The following BICD1 variants were observed in gnomAD, a reference collection of about 807,000 sequenced individuals.
BICD1 encodes the protein protein bicaudal D homolog 1.
In BICD1, 35 loss-of-function variants were observed where a neutral mutation model predicts 92.5. That is an observed-to-expected ratio of 0.38 (90% CI 0.29 to 0.50). The LOEUF (loss-of-function observed/expected upper bound fraction) is 0.50. Ranked by LOEUF, BICD1 falls within the 20% of genes least tolerant of loss-of-function variation. The pLI is 0.93. For missense variants in BICD1, 950 were observed against 1,189.8 expected (o/e 0.80, Z 2.97); for synonymous variants, 429 against 465.1 (o/e 0.92, Z 1.00).
At chr12:32,350,649 C>T (rs1205984670) in intron 8 of BICD1, among the ~76,000 whole-genome samples, 1 of 152,192 alleles carries the variant, frequency 6.6e-6, no homozygotes, top group African/African-American at 2.4e-5. Context: ...TCAGGGATTC[C>T]TCTTGCATAT....
At chr12:32,150,666 TG>T (rs889409847) in intron 1 of BICD1, among the ~76,000 whole-genome samples, 1 of 152,138 alleles carries the variant, frequency 6.6e-6, no homozygotes, top group African/African-American at 2.4e-5. Context: ...GGCACAAGTT[TG>T]GGGAGTAGGG....
intron 1 of BICD1, among the ~76,000 whole-genome samples, chr12:32,211,073 T>C (rs1008790919): frequency 1.3e-5 from 2 of 152,180 alleles, no homozygotes; most frequent in African/African-American, 2.4e-5. Flanking sequence ...AATAGGAGTG[T>C]TTTCTCCTTC....
chr12:32,231,913 G>T (rs373423138), intron 2 of BICD1, among the ~76,000 whole-genome samples: 1 of 151,690 alleles, frequency 6.6e-6, no homozygotes, highest in Non-Finnish European at 1.5e-5. Context: ...CAAAGGACAT[G>T]AACTCATCAT....
intron 1 of BICD1, among the ~76,000 whole-genome samples, chr12:32,136,791 A>G (rs1304769922): frequency 6.6e-6 from 1 of 152,174 alleles, no homozygotes; most frequent in African/African-American, 2.4e-5. Flanking sequence ...AGAGAGAATA[A>G]CTGGGCATCC....
Position 32,216,603 on chromosome 12 carries a change from C to A in BICD1, c.426+144C>A, listed in dbSNP as rs1565594017. On this transcript the variant is annotated intron_variant, in intron 2 of 9. Transcript: ENST00000652176. ...TACTAATACTGAGCTAGCAACTTTT[C>A]TTTTTTAGTGAAATGATAGCTAGCT... 17 of 767,264 alleles carry A rather than the reference C, an allele frequency of 2.2e-5. No individual in the cohort carries two copies. In the Admixed American group the frequency reaches 2.4e-4, roughly 11 times the overall value. The allele number at this position is 767,264 out of a possible 1,614,324, so 47.5% of individuals were successfully genotyped here. A position where few individuals can be genotyped will look rare whatever the true frequency, so the allele number is the denominator to read the frequency against.
chr12:32,129,607 C>T (rs12297591), intron 1 of BICD1, among the ~76,000 whole-genome samples: 3,412 of 151,624 alleles, frequency 0.023, 64 homozygotes, highest in African/African-American at 0.048. Flanking sequence ...TGGGCTCAAC[C>T]GATCTTCCCA....
intron 2 of BICD1, among the ~76,000 whole-genome samples, chr12:32,283,711 A>G (rs1314709867): frequency 6.6e-6 from 1 of 152,224 alleles, no homozygotes; most frequent in Non-Finnish European, 1.5e-5. Context: ...TCAGAGGTGC[A>G]GTTATTGGTG....
intron 2 of BICD1, among the ~76,000 whole-genome samples, chr12:32,218,353 A>C (rs1317445918): frequency 6.6e-6 from 1 of 152,246 alleles, no homozygotes; most frequent in Non-Finnish European, 1.5e-5. Context: ...TGGAGAACTC[A>C]TCAGACCATG....
chr12:32,357,389 CTT>C (rs149416521), intron 8 of BICD1, among the ~76,000 whole-genome samples: 343 of 152,162 alleles, frequency 2.3e-3, no homozygotes, highest in African/African-American at 7.9e-3. Context: ...TGAATTAAAA[CTT>C]TTTAATTCAA....
chr12:32,304,727 A>T (rs994538574), intron 3 of BICD1, among the ~76,000 whole-genome samples: 2 of 152,200 alleles, frequency 1.3e-5, no homozygotes, highest in Non-Finnish European at 1.5e-5. Flanking sequence ...TACCTCAATA[A>T]CAACATATGG....
At chr12:32,229,315 G>A (rs1237273279) in intron 2 of BICD1, among the ~76,000 whole-genome samples, 1 of 152,130 alleles carries the variant, frequency 6.6e-6, no homozygotes, top group Non-Finnish European at 1.5e-5. Flanking sequence ...TAAGGCCATG[G>A]CATTGGTGAA....
intron 1 of BICD1, among the ~76,000 whole-genome samples, chr12:32,169,711 C>A (rs940536694): frequency 6.6e-6 from 1 of 152,132 alleles, no homozygotes; most frequent in African/African-American, 2.4e-5. Context: ...GGTCGCTGGA[C>A]AGCTTTTGTT....
At chr12:32,336,969 C>T (rs946356082) in intron 6 of BICD1, among the ~76,000 whole-genome samples, 1 of 152,106 alleles carries the variant, frequency 6.6e-6, no homozygotes, top group Non-Finnish European at 1.5e-5. Flanking sequence ...AATGACTGGG[C>T]GTGGTGGCTC....
At chr12:32,357,012 C>T (rs1458347127) in intron 8 of BICD1, among the ~76,000 whole-genome samples, 4 of 129,576 alleles carry the variant, frequency 3.1e-5, no homozygotes, top group Admixed American at 8.3e-5. Context: ...GATTCTCCTG[C>T]TTTTTTTTTT....
Position 32,254,573 on chromosome 12 carries a change from C to T in BICD1, c.426+38114C>T, listed in dbSNP as rs190291332. 6.2e-4 allele frequency among the ~76,000 whole-genome samples: 94 copies of T among 152,312 alleles called. 3 individuals carry two copies. Among genetic ancestry groups the T allele is most frequent in the Non-Finnish European group, 2.1e-4 (14 of 68,032 alleles). ...ACAAGCACATAAATAAAAACCTGACCTTCCCCAAGATCTTTCCTCCTCTGT... is the reference window on the plus strand; with the variant it reads ...ACAAGCACATAAATAAAAACCTGACTTTCCCCAAGATCTTTCCTCCTCTGT... On this transcript the variant is annotated intron_variant, in intron 2 of 9. Coordinates refer to ENST00000652176, the MANE Select transcript of BICD1 (RefSeq NM_001714.4).
At chr12:32,325,001 A>G (rs1948743534) in intron 4 of BICD1, among the ~76,000 whole-genome samples, 1 of 152,100 alleles carries the variant, frequency 6.6e-6, no homozygotes, top group African/African-American at 2.4e-5. Context: ...TTTCTTCTAT[A>G]ACTCCATTTA....
intron 1 of BICD1, among the ~76,000 whole-genome samples, chr12:32,157,919 C>A (rs1043998627): frequency 2.6e-5 from 4 of 151,954 alleles, no homozygotes; most frequent in African/African-American, 9.7e-5. Flanking sequence ...AGCTGTGAGA[C>A]CCTGGGCAAA....
chr12:32,382,087 C>T lies in BICD1; in HGVS notation c.*4460C>T, dbSNP rs917316581. ...CATTTTCCATTGTCTGTAATAATGC[C>T]CTCGGATGAGTTGTGTCTAAAATTA... On this transcript the variant is annotated 3_prime_UTR_variant, in exon 10 of 10. Coordinates refer to ENST00000652176, the MANE Select transcript of BICD1 (RefSeq NM_001714.4). 2 of 151,956 alleles carry T rather than the reference C, an allele frequency of 1.3e-5. No homozygotes were observed. The highest frequency in any genetic ancestry group is 2.4e-5 in the African/African-American group (1 of 41,388). 9.4% of individuals were successfully genotyped at this position (151,956 alleles called of 1,614,324 possible). A position where few individuals can be genotyped will look rare whatever the true frequency, so the allele number is the denominator to read the frequency against.
At chr12:32,223,960 T>C (rs1038627229) in intron 2 of BICD1, among the ~76,000 whole-genome samples, 32 of 152,318 alleles carry the variant, frequency 2.1e-4, no homozygotes, top group African/African-American at 7.5e-4. Flanking sequence ...GTGGTTCATG[T>C]CAATATAACA....
Sources: allele counts gnomAD v4.1 joint callset (sites outside exome capture counted in the v4.1 genomes callset), GRCh38; gene constraint gnomAD v4.1.1; transcripts MANE v1.5; gene names NCBI Gene and HGNC (gene_info 2026-07-23, HGNC 2026-07-21).